The following ACSL3 variants were observed in gnomAD, a reference collection of about 807,000 sequenced individuals.
The protein encoded by ACSL3 is fatty acid CoA ligase Acsl3.
ACSL3 carries 34 observed loss-of-function variants against 84.7 expected under a neutral mutation model. The ratio of observed to expected loss-of-function variants is 0.40; its 90% CI spans 0.31 to 0.53. ACSL3 has a LOEUF of 0.53. ACSL3 is among the 20% of genes least tolerant of loss of function. ACSL3 has a pLI of 0.48. For missense variants in ACSL3, 680 were observed against 873.1 expected, an observed-to-expected ratio of 0.78 and a Z score of 2.79; for synonymous variants, 315 against 299.4, an observed-to-expected ratio of 1.05 and a Z score of -0.54.
At chr2:222,888,216 T>G (rs1695767475) in intron 2 of ACSL3, among the ~76,000 whole-genome samples, 7 of 152,228 alleles carry the variant, frequency 4.6e-5, no homozygotes. Flanking sequence ...TTAAAATTTG[T>G]ATGAATGTTA....
At chr2:222,892,403 A>G (rs1695863209) in intron 2 of ACSL3, among the ~76,000 whole-genome samples, 1 of 152,200 alleles carries the variant, frequency 6.6e-6, no homozygotes, top group African/African-American at 2.4e-5. Context: ...CATGTTTGTG[A>G]GAACCAGGGT....
chr2:222,875,065 A>G (rs1267008007), intron 1 of ACSL3, among the ~76,000 whole-genome samples: 1 of 152,204 alleles, frequency 6.6e-6, no homozygotes, highest in Non-Finnish European at 1.5e-5. Flanking sequence ...CTTTTGATTT[A>G]CTTTTTTTTG....
chr2:222,920,670 T>TC (rs1553597437), intron 7 of ACSL3, among the ~76,000 whole-genome samples: 1 of 152,316 alleles, frequency 6.6e-6, no homozygotes, highest in Non-Finnish European at 1.5e-5. Flanking sequence ...ATCTTTTTTT[T>TC]CACAGATAAT....
intron 15 of ACSL3, among the ~76,000 whole-genome samples, chr2:222,934,323 A>G (rs1027486243): frequency 2.0e-5 from 3 of 152,246 alleles, no homozygotes; most frequent in Non-Finnish European, 4.4e-5. Context: ...AAGTTTATTT[A>G]GCAACGAACT....
chr2:222,866,392 G>A (rs879287756), intron 1 of ACSL3, among the ~76,000 whole-genome samples: 20 of 152,100 alleles, frequency 1.3e-4, no homozygotes, highest in African/African-American at 1.9e-4. Context: ...TGATCCGCCC[G>A]CCTCGCCCTC....
chr2:222,940,755 AC>A (rs1244808915), intron 16 of ACSL3, among the ~76,000 whole-genome samples: 1 of 152,204 alleles, frequency 6.6e-6, no homozygotes, highest in Non-Finnish European at 1.5e-5. Context: ...AGTAGGCTAT[AC>A]CATCGACATT....
At chr2:222,899,432 A>G (rs2106109827) in intron 2 of ACSL3, among the ~76,000 whole-genome samples, 1 of 152,266 alleles carries the variant, frequency 6.6e-6, no homozygotes, top group East Asian at 1.9e-4. Context: ...CCGAGATCGC[A>G]TCACTGCTCT....
chr2:222,937,771 G>T (rs990716502), intron 16 of ACSL3, among the ~76,000 whole-genome samples: 1 of 151,812 alleles, frequency 6.6e-6, no homozygotes, highest in Non-Finnish European at 1.5e-5. Context: ...CTTTTAATTG[G>T]GCATTTAATT....
At position 222,927,279 on chromosome 2, in the gene ACSL3, T is replaced by G. The variant is rs1696909162; in HGVS notation, c.1465+90T>G. On this transcript the variant is annotated intron_variant, in intron 12 of 16. Transcript: ENST00000357430. ...TTTCTGCAAATATATAGGAGAAGAG[T>G]AGTAAGGTGTTTGTGAGGCAGAATA... 4 of 1,347,612 alleles carry G rather than the reference T, an allele frequency of 3.0e-6. No individual in the cohort carries two copies. In the Admixed American group the frequency reaches 6.7e-5, roughly 23 times the overall value. The allele number at this position is 1,347,612 out of a possible 1,614,324, so 83.5% of individuals were successfully genotyped here.
chr2:222,908,886 C>T lies in ACSL3; in HGVS notation c.114C>T (p.Tyr38=). 6.2e-7 allele frequency: 1 copy of T among 1,611,128 alleles called. No homozygotes were observed. The highest frequency in any genetic ancestry group is 1.1e-5 in the South Asian group (1 of 90,472). ...FLISLYTILT[Y]IPFYFFSESR... ...TATCACTTTATACTATTTTAACATA[C>T]ATTCCGTTTTATTTTTTCTCCGAGT... Residue 38 remains tyrosine (Y), a synonymous_variant, in exon 4 of 17, where the codon TAC becomes TAT. Transcript: ENST00000357430.
At chr2:222,885,550 C>T (rs1695698655) in intron 1 of ACSL3, among the ~76,000 whole-genome samples, 1 of 152,034 alleles carries the variant, frequency 6.6e-6, no homozygotes, top group South Asian at 2.1e-4. Flanking sequence ...TATAGAAATT[C>T]TACAACTATG....
intron 4 of ACSL3, among the ~76,000 whole-genome samples, chr2:222,910,868 G>A (rs1696422405): frequency 6.6e-6 from 1 of 152,052 alleles, no homozygotes; most frequent in African/African-American, 2.4e-5. Context: ...TGCAGACTTA[G>A]AAAAAACTGA....
At position 222,919,339 on chromosome 2, in the gene ACSL3, C is replaced by G. The variant is rs974996311; in HGVS notation, c.805+137C>G. 12 of 866,724 alleles carry G rather than the reference C, an allele frequency of 1.4e-5. 1 individual carries two copies. In the South Asian group the frequency reaches 2.9e-4, roughly 21 times the overall value. The allele number at this position is 866,724 out of a possible 1,614,324, so 53.7% of individuals were successfully genotyped here. A position where few individuals can be genotyped will look rare whatever the true frequency, so the allele number is the denominator to read the frequency against. On this transcript the variant is annotated intron_variant, in intron 7 of 16. Transcript: ENST00000357430. Reference sequence around the variant, plus strand: ...ACATCAGTTAGGAAAACAGGTCCCTCTAGGTATACTTTCATCTTGTCTTTA... The same window carrying G: ...ACATCAGTTAGGAAAACAGGTCCCTGTAGGTATACTTTCATCTTGTCTTTA...
chr2:222,877,986 C>T (rs1447541370), intron 1 of ACSL3, among the ~76,000 whole-genome samples: 1 of 151,616 alleles, frequency 6.6e-6, no homozygotes, highest in African/African-American at 2.4e-5. Flanking sequence ...TTCTTTTGAG[C>T]TCCTTCAGGG....
At chr2:222,883,766 A>G (rs1695653575) in intron 1 of ACSL3, among the ~76,000 whole-genome samples, 1 of 151,984 alleles carries the variant, frequency 6.6e-6, no homozygotes, top group African/African-American at 2.4e-5. Flanking sequence ...TTAACACCTT[A>G]TTTTTTAAAA....
chr2:222,892,172 T>C (rs1436153916), intron 2 of ACSL3, among the ~76,000 whole-genome samples: 1 of 152,224 alleles, frequency 6.6e-6, no homozygotes, highest in Admixed American at 6.5e-5. Flanking sequence ...TTGTCTTTAC[T>C]AAATACATAA....
intron 3 of ACSL3, 40 bp downstream of exon 3, chr2:222,900,820 G>A (rs572928524): frequency 1.6e-4 from 24 of 152,224 alleles, no homozygotes; most frequent in African/African-American, 5.1e-4. Context: ...TAATTTCTTT[G>A]CCTTTTGTTT....
At chr2:222,880,107 C>T (rs1695552855) in intron 1 of ACSL3, among the ~76,000 whole-genome samples, 1 of 152,128 alleles carries the variant, frequency 6.6e-6, no homozygotes, top group African/African-American at 2.4e-5. Flanking sequence ...ACAAAAGTCC[C>T]ATGACTATTT....
intron 2 of ACSL3, among the ~76,000 whole-genome samples, chr2:222,890,281 G>A (rs747567894): frequency 2.6e-5 from 4 of 152,018 alleles, no homozygotes; most frequent in African/African-American, 9.7e-5. Flanking sequence ...GAAGAGAAAA[G>A]GAAACATCTA....
Sources: allele counts gnomAD v4.1 joint callset (sites outside exome capture counted in the v4.1 genomes callset), GRCh38; gene constraint gnomAD v4.1.1; transcripts MANE v1.5; gene names NCBI Gene and HGNC (gene_info 2026-07-23, HGNC 2026-07-21).